The following KCNQ1 variants were observed in gnomAD, a reference collection of about 807,000 sequenced individuals.
The protein encoded by KCNQ1 is potassium voltage-gated channel subfamily KQT member 1.
KCNQ1 carries 49 observed loss-of-function variants against 72.4 expected under a neutral mutation model. The ratio of observed to expected loss-of-function variants is 0.68; its 90% CI spans 0.54 to 0.86. The LOEUF is 0.86. Among genes scored for constraint, KCNQ1 ranks in the 40% least tolerant of loss-of-function variants. The pLI is 0.00. For synonymous variants in KCNQ1, 450 were observed against 412.6 expected (o/e 1.09, Z -1.10); for missense variants, 790 against 945.1 (o/e 0.84, Z 2.15).
chr11:2,680,016 C>T, intron 11 of KCNQ1: 1 of 396,838 alleles, frequency 2.5e-6, no homozygotes, highest in Non-Finnish European at 4.4e-6. Flanking sequence ...GCCTTAGCCT[C>T]CCTAGTAGCT....
chr11:2,695,235 C>T lies in KCNQ1; in HGVS notation c.1514+33154C>T, dbSNP rs1261899265. 2.5e-6 allele frequency: 1 copy of T among 398,524 alleles called. No homozygotes were observed. The highest frequency in any genetic ancestry group is 4.4e-5 in the Admixed American group (1 of 22,716). 24.7% of individuals were successfully genotyped at this position (398,524 alleles called of 1,614,324 possible). On this transcript the variant is annotated intron_variant, in intron 11 of 15. Transcript: ENST00000155840. The surrounding 1 kb of genome is among the most constrained non-coding windows in gnomAD (Gnocchi z 5.2). ...AGGGTCTGCATAAAGTCACCGCTCT[C>T]TTCCTCTCCATGCTTTTCCACTTCA...
chr11:2,720,063 C>G lies in KCNQ1; in HGVS notation c.1515-48781C>G, dbSNP rs1851176582. On this transcript the variant is annotated intron_variant, in intron 11 of 15. Transcript: ENST00000155840. The surrounding 1 kb of genome is among the most constrained non-coding windows in gnomAD (Gnocchi z 5.1). ...GTCCCAAAACAAGTCCCTTACTGTCCGTGTCCCTCCATGCCAGCTCACTGG... is the reference window on the plus strand; with the variant it reads ...GTCCCAAAACAAGTCCCTTACTGTCGGTGTCCCTCCATGCCAGCTCACTGG... Among the ~76,000 whole-genome samples the G allele has an allele frequency of 6.6e-6, 1 of 152,186 alleles. No individual in the cohort carries two copies.
In KCNQ1 at chr11:2,664,911, C is replaced by T. The variant is rs1248398569; in HGVS notation, c.1514+2830C>T. The stretch of plus-strand genomic sequence containing the variant: ...AGACACATTTTGTTTCCATCTCGAG[C>T]TCTCCCCGCCCGCAGGGCCCCAGAG... On this transcript the variant is annotated intron_variant, in intron 11 of 15. Transcript: ENST00000155840. This position sits in a 1 kb window ranked among gnomAD's most constrained non-coding sequence, Gnocchi z 5.1. 2.5e-6 allele frequency: 1 copy of T among 398,522 alleles called. No individual in the cohort carries two copies. The highest frequency in any genetic ancestry group is 2.1e-5 in the African/African-American group (1 of 48,616). 24.7% of individuals were successfully genotyped at this position (398,522 alleles called of 1,614,324 possible).
intron 15 of KCNQ1, among the ~76,000 whole-genome samples, chr11:2,780,011 T>C (rs1162165891): frequency 2.6e-5 from 4 of 152,208 alleles, no homozygotes; most frequent in African/African-American, 9.6e-5. Context: ...AGGATTCTGG[T>C]AGATTCTGCA....
rs1846326406 is a variant in KCNQ1 at position 2,464,653 on chromosome 11, T to C, written c.386+19169T>C. Among the ~76,000 whole-genome samples the C allele has an allele frequency of 6.6e-6, 1 of 152,082 alleles. No homozygotes were observed. The highest frequency in any genetic ancestry group is 2.1e-4 in the South Asian group (1 of 4,824). On this transcript the variant is annotated intron_variant, in intron 1 of 15. Coordinates refer to ENST00000155840, the MANE Select transcript of KCNQ1 (RefSeq NM_000218.3). The surrounding 1 kb of genome is among the most constrained non-coding windows in gnomAD (Gnocchi z 5.0). ...AGGAGTTGGGGGGGTGGGCAGTGCC[T>C]CTGTGTGGCAGATTCCAGCTTCTCT...
At chr11:2,672,844 G>T (rs928507646) in intron 11 of KCNQ1, 8 of 398,806 alleles carry the variant, frequency 2.0e-5, no homozygotes, top group Non-Finnish European at 3.5e-5. Flanking sequence ...TTCTGCCTGG[G>T]CATTTTCTTG....
chr11:2,846,684 TC>T (rs1848335133), intron 15 of KCNQ1, among the ~76,000 whole-genome samples: 2 of 152,214 alleles, frequency 1.3e-5, no homozygotes, highest in South Asian at 4.1e-4. Context: ...GGCCTTCCAG[TC>T]TCCCCATCAA....
At position 2,559,819 on chromosome 11, in the gene KCNQ1, T is replaced by C. The variant is rs529895210; in HGVS notation, c.478-10809T>C. 6.6e-6 allele frequency among the ~76,000 whole-genome samples: 1 copy of C among 152,032 alleles called. No individual in the cohort carries two copies. The highest frequency in any genetic ancestry group is 2.0e-4 in the East Asian group (1 of 5,102). On this transcript the variant is annotated intron_variant, in intron 2 of 15. Transcript: ENST00000155840. This position sits in a 1 kb window ranked among gnomAD's most constrained non-coding sequence, Gnocchi z 4.9. ...GGAAGGCCTGTGGCTAGGGCTCTGC[T>C]GCCTGCTTCCTGGGCAGGGGCTCCT...
In KCNQ1 at chr11:2,713,666, G is replaced by T. The variant is rs1157162568; in HGVS notation, c.1514+51585G>T. On this transcript the variant is annotated intron_variant, in intron 11 of 15. Coordinates refer to ENST00000155840, the MANE Select transcript of KCNQ1 (RefSeq NM_000218.3). The surrounding 1 kb of genome is among the most constrained non-coding windows in gnomAD (Gnocchi z 5.6). Reference sequence around the variant, plus strand: ...CCTGTTCTGGAGGCCACAGCCACAGGCTCTGCGGGCCTCTGGCCGAGCTGG... The same window carrying T: ...CCTGTTCTGGAGGCCACAGCCACAGTCTCTGCGGGCCTCTGGCCGAGCTGG... 6.6e-6 allele frequency among the ~76,000 whole-genome samples: 1 copy of T among 152,222 alleles called. No homozygotes were observed. The highest frequency in any genetic ancestry group is 2.4e-5 in the African/African-American group (1 of 41,448).
In KCNQ1 at chr11:2,568,930, G is replaced by A. The variant is rs371072894; in HGVS notation, c.478-1698G>A. ...GATGGAGTCTCACTCTGTCACCCAG[G>A]CTGGAGTACAATGGTGTGATCTCGG... is the stretch of plus-strand genomic sequence containing the variant. On this transcript the variant is annotated intron_variant, in intron 2 of 15. Coordinates refer to ENST00000155840, the MANE Select transcript of KCNQ1 (RefSeq NM_000218.3). Among the ~76,000 whole-genome samples the A allele has an allele frequency of 2.0e-5, 3 of 152,308 alleles. No homozygotes were observed. The South Asian group carries it at 6.2e-4, about 32-fold the overall frequency.
rs537598032 is a variant in KCNQ1 at position 2,672,661 on chromosome 11, T to C, written c.1514+10580T>C. On this transcript the variant is annotated intron_variant, in intron 11 of 15. Coordinates refer to ENST00000155840, the MANE Select transcript of KCNQ1 (RefSeq NM_000218.3). ...ATGGAAGCACTGAGACCAGATATGA[T>C]AGGACCTTGCCCAGTGGACACAGCC... is the stretch of plus-strand genomic sequence containing the variant. The C allele has an allele frequency of 2.2e-3, 892 of 398,698 alleles. 1 individual carries two copies. The highest frequency in any genetic ancestry group is 4.4e-3 in the Admixed American group (101 of 22,744). 24.7% of individuals were successfully genotyped at this position (398,698 alleles called of 1,614,324 possible). A position where few individuals can be genotyped will look rare whatever the true frequency, so the allele number is the denominator to read the frequency against.
intron 10 of KCNQ1, chr11:2,640,562 CTTT>C (rs58881533): frequency 0.13 from 36,694 of 282,834 alleles, 62 homozygotes; most frequent in East Asian, 0.24. Flanking sequence ...CTGGGATTTC[CTTT>C]TTTTTTTTTT....
intron 1 of KCNQ1, among the ~76,000 whole-genome samples, chr11:2,524,847 C>G (rs970951600): frequency 6.6e-6 from 1 of 151,918 alleles, no homozygotes; most frequent in Non-Finnish European, 1.5e-5. Flanking sequence ...GGCACTGCAT[C>G]TCCATGTGCA....
At position 2,768,555 on chromosome 11, in the gene KCNQ1, T is replaced by C. The variant is rs1009629701; in HGVS notation, c.1515-289T>C. ...TGTCAGCAGCATAGCCATGGCCAAC[T>C]CAGGGCCCTGACTCCTACCTGACCC... On this transcript the variant is annotated intron_variant, in intron 11 of 15. Transcript: ENST00000155840. The surrounding 1 kb of genome is among the most constrained non-coding windows in gnomAD (Gnocchi z 6.7). 6.6e-6 allele frequency among the ~76,000 whole-genome samples: 1 copy of C among 152,142 alleles called. No homozygotes were observed. The highest frequency in any genetic ancestry group is 1.5e-5 in the Non-Finnish European group (1 of 68,022).
In KCNQ1 at chr11:2,668,940, A is replaced by G. The variant is rs1009760349; in HGVS notation, c.1514+6859A>G. On this transcript the variant is annotated intron_variant, in intron 11 of 15. Transcript: ENST00000155840. This position sits in a 1 kb window ranked among gnomAD's most constrained non-coding sequence, Gnocchi z 4.3. Reference sequence around the variant, plus strand: ...TTATTAGCTCACCTTTCCCATGTAGATCTGCACTCCATCTGGGATTGATTT... The same window carrying G: ...TTATTAGCTCACCTTTCCCATGTAGGTCTGCACTCCATCTGGGATTGATTT... 1.0e-5 allele frequency: 4 copies of G among 398,418 alleles called. No individual in the cohort carries two copies. Among genetic ancestry groups the G allele is most frequent in the African/African-American group, 8.2e-5 (4 of 48,562 alleles). The allele number at this position is 398,418 out of a possible 1,614,324, so 24.7% of individuals were successfully genotyped here.
chr11:2,460,457 G>A (rs867952532), intron 1 of KCNQ1, among the ~76,000 whole-genome samples: 95 of 152,172 alleles, frequency 6.2e-4, no homozygotes, highest in African/African-American at 2.2e-3. Context: ...CTGCTTCCCA[G>A]CTCAAGGCCC....
intron 11 of KCNQ1, chr11:2,680,692 A>G (rs995285082): frequency 4.5e-5 from 18 of 398,322 alleles, no homozygotes; most frequent in African/African-American, 1.4e-4. Flanking sequence ...AGAATCCCTC[A>G]TGTCCCCCTT....
intron 15 of KCNQ1, among the ~76,000 whole-genome samples, chr11:2,802,211 C>G (rs1057230279): frequency 1.3e-5 from 2 of 152,220 alleles, no homozygotes; most frequent in Non-Finnish European, 2.9e-5. Context: ...TCTGACAATG[C>G]GAAGCCCACC....
At chr11:2,466,570 C>T (rs1032608696) in intron 1 of KCNQ1, among the ~76,000 whole-genome samples, 33 of 152,158 alleles carry the variant, frequency 2.2e-4, no homozygotes, top group African/African-American at 7.7e-4. Flanking sequence ...TCTGCCCAGG[C>T]TCGGGGGCTT....
Sources: gnomAD v4.1 joint callset for allele counts (sites outside exome capture counted in the v4.1 genomes callset) on GRCh38, gnomAD v4.1.1 for gene constraint, Gnocchi (gnomAD v3.1) non-coding constraint, MANE v1.5 for transcripts, NCBI Gene and HGNC (gene_info 2026-07-23, HGNC 2026-07-21) for gene names.